Variants in CCSER1 observed in about 807,000 individuals in gnomAD.
The protein encoded by CCSER1 is serine-rich coiled-coil domain-containing protein 1.
In CCSER1, 41 loss-of-function variants were observed where a neutral mutation model predicts 82.0. The ratio of observed to expected loss-of-function variants is 0.50; its 90% CI spans 0.39 to 0.65. The LOEUF (loss-of-function observed/expected upper bound fraction) is 0.65. CCSER1 is among the 30% of genes least tolerant of loss of function. CCSER1 has a pLI of 0.00. For synonymous variants in CCSER1, 414 were observed against 383.9 expected, an observed-to-expected ratio of 1.08 and a Z score of -0.92; for missense variants, 1,119 against 1,064.2, an observed-to-expected ratio of 1.05 and a Z score of -0.72.
chr4:90,288,739 T>G (rs941445206), intron 1 of CCSER1, among the ~76,000 whole-genome samples: 2 of 151,982 alleles, frequency 1.3e-5, no homozygotes, highest in African/African-American at 4.8e-5. Context: ...TATTTGTGAT[T>G]TTCCATACAA....
chr4:90,647,766 A>C (rs558364357), intron 6 of CCSER1, among the ~76,000 whole-genome samples: 1 of 152,296 alleles, frequency 6.6e-6, no homozygotes, highest in Non-Finnish European at 1.5e-5. Context: ...GTTTATGATA[A>C]GTTTAAATGG....
At chr4:91,567,176 T>C (rs1170120947) in intron 10 of CCSER1, among the ~76,000 whole-genome samples, 1 of 152,172 alleles carries the variant, frequency 6.6e-6, no homozygotes, top group Non-Finnish European at 1.5e-5. Context: ...TTAATTTCCA[T>C]GTAATCACAT....
chr4:90,445,109 C>T (rs1411814137), intron 4 of CCSER1, among the ~76,000 whole-genome samples: 1 of 151,956 alleles, frequency 6.6e-6, no homozygotes, highest in Non-Finnish European at 1.5e-5. Flanking sequence ...ACTTGGGTTC[C>T]TTGCCTTGAA....
In CCSER1 at chr4:91,418,996, T is replaced by C. The variant is rs536901079; in HGVS notation, c.2218-179576T>C. On this transcript the variant is annotated intron_variant, in intron 10 of 10. Transcript: ENST00000509176. ...TTTACAATATGTACAGTAAAAATCA[T>C]ATGATCATCTCAATAGATGCATAAA... Among the ~76,000 whole-genome samples, 9 of 152,076 alleles carry C rather than the reference T, an allele frequency of 5.9e-5. No individual in the cohort carries two copies. The East Asian group carries it at 1.7e-3, about 29-fold the overall frequency.
chr4:90,830,097 A>G (rs932646997), intron 8 of CCSER1, among the ~76,000 whole-genome samples: 2 of 152,218 alleles, frequency 1.3e-5, no homozygotes, highest in African/African-American at 2.4e-5. Context: ...GAGAGGCAAT[A>G]CGATAATTGC....
At chr4:90,686,034 T>C (rs546239605) in intron 6 of CCSER1, among the ~76,000 whole-genome samples, 14 of 152,278 alleles carry the variant, frequency 9.2e-5, no homozygotes, top group East Asian at 7.8e-4. Flanking sequence ...GGTTTAATTA[T>C]GGGATCTTAC....
At chr4:91,584,663 T>C (rs1033240) in intron 10 of CCSER1, among the ~76,000 whole-genome samples, 105,570 of 151,234 alleles carry the variant, frequency 0.7, 37,610 homozygotes, top group African/African-American at 0.85. Context: ...TAAAGTATGT[T>C]AATTATAAAT....
At chr4:90,568,928 C>T (rs538469846) in intron 5 of CCSER1, among the ~76,000 whole-genome samples, 26 of 151,818 alleles carry the variant, frequency 1.7e-4, no homozygotes, top group East Asian at 5.8e-4. Context: ...CCACCACGCT[C>T]GGCTAATTTT....
intron 10 of CCSER1, among the ~76,000 whole-genome samples, chr4:91,113,566 A>G (rs993029251): frequency 2.0e-5 from 3 of 152,306 alleles, no homozygotes; most frequent in African/African-American, 7.2e-5. Context: ...TTCTTTTGTG[A>G]TAACTGAGCC....
chr4:90,534,043 G>T (rs1198946946), intron 5 of CCSER1, among the ~76,000 whole-genome samples: 1 of 152,212 alleles, frequency 6.6e-6, no homozygotes, highest in African/African-American at 2.4e-5. Context: ...TTGTACAATT[G>T]AATGAAATAT....
At chr4:91,575,606 A>G (rs907576939) in intron 10 of CCSER1, among the ~76,000 whole-genome samples, 1 of 152,074 alleles carries the variant, frequency 6.6e-6, no homozygotes, top group Non-Finnish European at 1.5e-5. Flanking sequence ...TCAAAATTCC[A>G]AAAGTATTTT....
At chr4:91,475,554 C>T (rs969512845) in intron 10 of CCSER1, among the ~76,000 whole-genome samples, 23 of 151,772 alleles carry the variant, frequency 1.5e-4, no homozygotes, top group Admixed American at 2.6e-4. Flanking sequence ...ATCACAGTGC[C>T]TTGCACTTAA....
At chr4:91,084,055 C>T (rs372638499) in intron 9 of CCSER1, among the ~76,000 whole-genome samples, 219 of 152,128 alleles carry the variant, frequency 1.4e-3, no homozygotes, top group African/African-American at 5.1e-3. Context: ...CTCAGCCTCC[C>T]GAGTAGCTGG....
chr4:90,753,578 G>A (rs757364806), intron 7 of CCSER1, among the ~76,000 whole-genome samples: 10 of 151,990 alleles, frequency 6.6e-5, no homozygotes, highest in South Asian at 2.1e-4. Flanking sequence ...TTTCTTCCAC[G>A]TACACTATTA....
At chr4:90,435,583 A>G (rs1758891340) in intron 4 of CCSER1, among the ~76,000 whole-genome samples, 1 of 152,148 alleles carries the variant, frequency 6.6e-6, no homozygotes, top group African/African-American at 2.4e-5. Context: ...CTAGGCTAGT[A>G]AAAATTATTC....
At chr4:90,131,584 C>A (rs1270310080) in intron 1 of CCSER1, among the ~76,000 whole-genome samples, 1 of 151,916 alleles carries the variant, frequency 6.6e-6, no homozygotes, top group Non-Finnish European at 1.5e-5. Flanking sequence ...AATGTGTTGT[C>A]TATTAATATA....
intron 10 of CCSER1, among the ~76,000 whole-genome samples, chr4:91,375,359 A>G (rs1750333299): frequency 6.6e-6 from 1 of 152,238 alleles, no homozygotes; most frequent in Non-Finnish European, 1.5e-5. Context: ...AGAACATTAC[A>G]TAAACTTAGT....
intron 10 of CCSER1, among the ~76,000 whole-genome samples, chr4:91,596,500 G>T (rs983130367): frequency 1.3e-5 from 2 of 152,054 alleles, no homozygotes; most frequent in African/African-American, 4.8e-5. Context: ...TGATTTGGGG[G>T]TTGGTTGGTA....
chr4:91,426,126 G>A (rs1353418448), intron 10 of CCSER1, among the ~76,000 whole-genome samples: 2 of 152,106 alleles, frequency 1.3e-5, no homozygotes, highest in African/African-American at 4.8e-5. Flanking sequence ...CTATGAGTGA[G>A]CACATGCGGT....
Sources: gnomAD v4.1 joint callset for allele counts (sites outside exome capture counted in the v4.1 genomes callset) on GRCh38, gnomAD v4.1.1 for gene constraint, MANE v1.5 for transcripts, NCBI Gene and HGNC (gene_info 2026-07-23, HGNC 2026-07-21) for gene names.